ZNF655: variants seen among roughly 807,000 people sequenced by gnomAD.
ZNF655 encodes the protein zinc finger protein 655.
In ZNF655, 3 loss-of-function variants were observed where a neutral mutation model predicts 6.6. The observed-to-expected ratio is 0.46, with a 90% CI of 0.21 to 1.18. The LOEUF is 1.18. ZNF655 is among the 50% of genes most tolerant of loss of function. The pLI is 0.24. For synonymous variants in ZNF655, 178 were observed against 195.0 expected (o/e 0.91, Z 0.73); for missense variants, 526 against 572.3 (o/e 0.92, Z 0.83).
intron 2 of ZNF655, chr7:99,562,297 T>G: frequency 1.8e-5 from 28 of 1,587,348 alleles, no homozygotes; most frequent in Non-Finnish European, 2.4e-5. Context: ...ACCCTCTCTA[T>G]GATCTTCATT....
At chr7:99,561,650 T>G (rs1803183200) in intron 2 of ZNF655, among the ~76,000 whole-genome samples, 1 of 152,202 alleles carries the variant, frequency 6.6e-6, no homozygotes, top group Non-Finnish European at 1.5e-5. Context: ...GTGATGAAGA[T>G]AAAGTGAAAT....
chr7:99,562,416 T>TG, intron 2 of ZNF655: 1 of 1,614,174 alleles, frequency 6.2e-7, no homozygotes, highest in Non-Finnish European at 8.5e-7. Flanking sequence ...TCGAGAGGAA[T>TG]GGGGATACCT....
chr7:99,559,958 A>G (rs1177444338), intron 1 of ZNF655, among the ~76,000 whole-genome samples: 1 of 152,032 alleles, frequency 6.6e-6, no homozygotes, highest in Non-Finnish European at 1.5e-5. Flanking sequence ...TTCCACAGAA[A>G]GCTTTACACT....
At chr7:99,567,149 G>A (rs938274853) in intron 2 of ZNF655, among the ~76,000 whole-genome samples, 2 of 152,068 alleles carry the variant, frequency 1.3e-5, no homozygotes, top group Non-Finnish European at 2.9e-5. Context: ...TGAACTCTTG[G>A]CCTCATGTGT....
chr7:99,564,071 T>G (rs1803442787), intron 2 of ZNF655: 3 of 1,590,340 alleles, frequency 1.9e-6, no homozygotes, highest in East Asian at 4.5e-5. Context: ...ATATTAAAAT[T>G]GACTGATGGA....
intron 2 of ZNF655, chr7:99,561,932 C>T (rs973574923): frequency 6.9e-6 from 11 of 1,597,298 alleles, no homozygotes; most frequent in Non-Finnish European, 7.7e-6. Flanking sequence ...TGAGGGAAGC[C>T]CAGGAGACCA....
At position 99,564,395 on chromosome 7, in the gene ZNF655, G is replaced by A. The variant is rs1034386241; in HGVS notation, c.136+3700G>A. The A allele has an allele frequency of 3.8e-6, 4 of 1,041,990 alleles. No homozygotes were observed. The South Asian group carries it at 1.6e-4, about 41-fold the overall frequency. 64.5% of individuals were successfully genotyped at this position (1,041,990 alleles called of 1,614,324 possible). On this transcript the variant is annotated intron_variant, in intron 2 of 2. Transcript: ENST00000252713. ...TGCCTAACTCTCCTGTGAACCCTGG[G>A]CTTCCCTCATGTTTAACATTCTGGT...
chr7:99,571,962 G>A (rs557894782), intron 2 of ZNF655, among the ~76,000 whole-genome samples: 5 of 152,118 alleles, frequency 3.3e-5, no homozygotes, highest in South Asian at 4.1e-4. Context: ...TTTAGTATCC[G>A]TGCACATGTC....
chr7:99,559,794 T>C (rs941271058), intron 1 of ZNF655, among the ~76,000 whole-genome samples: 20 of 149,732 alleles, frequency 1.3e-4, no homozygotes, highest in African/African-American at 4.7e-4. Flanking sequence ...AATTTTTTTT[T>C]TTTTTTTTTT....
intron 2 of ZNF655, chr7:99,571,351 C>T: frequency 7.9e-7 from 1 of 1,272,244 alleles, no homozygotes; most frequent in East Asian, 5.6e-5. Context: ...TACTTGTAGA[C>T]CAGATCTAAT....
intron 2 of ZNF655, chr7:99,561,902 C>T: frequency 6.3e-7 from 1 of 1,577,180 alleles, no homozygotes; most frequent in Non-Finnish European, 8.6e-7. Context: ...ACCTGTTCCT[C>T]AGGTGCCTGC....
At chr7:99,561,457 A>G (rs1461476039) in intron 2 of ZNF655, among the ~76,000 whole-genome samples, 1 of 152,154 alleles carries the variant, frequency 6.6e-6, no homozygotes, top group Non-Finnish European at 1.5e-5. Flanking sequence ...GGCCTTACAC[A>G]CTGGTTGAGA....
At chr7:99,564,704 A>G in intron 2 of ZNF655, 1 of 985,242 alleles carries the variant, frequency 1.0e-6, no homozygotes, top group Non-Finnish European at 1.2e-6. Flanking sequence ...TCCAACAGTT[A>G]ACCTGTCTAC....
chr7:99,569,085 A>G (rs1803848646), intron 2 of ZNF655, among the ~76,000 whole-genome samples: 1 of 152,138 alleles, frequency 6.6e-6, no homozygotes. Context: ...GTGCCCAGCC[A>G]TAGATCCCTT....
At position 99,573,371 on chromosome 7, in the gene ZNF655, A is replaced by G; in HGVS notation, c.1263A>G (p.Ser421=). The G allele has an allele frequency of 6.2e-7, 1 of 1,614,158 alleles. No homozygotes were observed. Among genetic ancestry groups the G allele is most frequent in the Non-Finnish European group, 8.5e-7 (1 of 1,179,974 alleles). Reference sequence around the variant, plus strand: ...GTGGAAAAGCTTTCAGTCAAACCTCATGCCTTATTCAGCATCACAAAATGC... The same window carrying G: ...GTGGAAAAGCTTTCAGTCAAACCTCGTGCCTTATTCAGCATCACAAAATGC... ...NECGKAFSQT[S]CLIQHHKMHR... The change falls in exon 3 of 3, where the codon TCA becomes TCG. Residue 421 remains serine (S), a synonymous_variant. Coordinates refer to ENST00000252713, the MANE Select transcript of ZNF655 (RefSeq NM_138494.3).
At position 99,566,019 on chromosome 7, in the gene ZNF655, A is replaced by ATGTGTGTGTG. The variant is rs995934518; in HGVS notation, c.136+5325_136+5326insGTGTGTGTGT. Among the ~76,000 whole-genome samples the ATGTGTGTGTG allele has an allele frequency of 1.2e-4, 17 of 137,062 alleles. No individual in the cohort carries two copies. In the South Asian group the frequency reaches 2.9e-3, roughly 23 times the overall value. The allele number at this position is 137,062 out of a possible 152,430, so 89.9% of individuals were successfully genotyped here. A position where few individuals can be genotyped will look rare whatever the true frequency, so the allele number is the denominator to read the frequency against. Reference sequence around the variant, plus strand: ...ACACACACACAGACATAGGACATTTATATGTGTGTGTGTGTGTGTGTGTAT... The same window carrying ATGTGTGTGTG: ...ACACACACACAGACATAGGACATTTATGTGTGTGTGTATGTGTGTGTGTGTGTGTGTGTAT... On this transcript the variant is annotated intron_variant, in intron 2 of 2. Transcript: ENST00000252713.
At position 99,574,714 on chromosome 7, in the gene ZNF655, T is replaced by G. The variant is rs1485052981; in HGVS notation, c.*1130T>G. The G allele has an allele frequency of 1.3e-5, 2 of 152,248 alleles. No homozygotes were observed. Among genetic ancestry groups the G allele is most frequent in the African/African-American group, 4.8e-5 (2 of 41,472 alleles). 9.4% of individuals were successfully genotyped at this position (152,248 alleles called of 1,614,324 possible). A position where few individuals can be genotyped will look rare whatever the true frequency, so the allele number is the denominator to read the frequency against. On this transcript the variant is annotated 3_prime_UTR_variant, in exon 3 of 3. Coordinates refer to ENST00000252713, the MANE Select transcript of ZNF655 (RefSeq NM_138494.3). ...CTCATTTAGCTTTTTCTGCTGTTCTTGGCCCAAGTTCTTTCCAAAACCAAC... is the reference window on the plus strand; with the variant it reads ...CTCATTTAGCTTTTTCTGCTGTTCTGGGCCCAAGTTCTTTCCAAAACCAAC...
At chr7:99,565,092 A>T (rs1332866344) in intron 2 of ZNF655, among the ~76,000 whole-genome samples, 1 of 152,118 alleles carries the variant, frequency 6.6e-6, no homozygotes, top group African/African-American at 2.4e-5. Flanking sequence ...CCAAGGTCTG[A>T]TTTTTAACAA....
Sources: gnomAD v4.1 joint callset for allele counts (sites outside exome capture counted in the v4.1 genomes callset) on GRCh38, gnomAD v4.1.1 for gene constraint, MANE v1.5 for transcripts, NCBI Gene and HGNC (gene_info 2026-07-23, HGNC 2026-07-21) for gene names.